SEMA6D: variants seen among roughly 807,000 people sequenced by gnomAD.
SEMA6D encodes semaphorin-6D.
Under a neutral mutation model 106.6 loss-of-function variants are expected in SEMA6D, and 35 were observed. That is an observed-to-expected ratio of 0.33 (90% CI 0.25 to 0.44). SEMA6D has a LOEUF of 0.44. Ranked by LOEUF, SEMA6D falls within the 20% of genes least tolerant of loss-of-function variation. SEMA6D has a pLI of 1.00. For missense variants in SEMA6D, 1,185 were observed against 1,345.9 expected, an observed-to-expected ratio of 0.88 and a Z score of 1.87; for synonymous variants, 499 against 487.7, an observed-to-expected ratio of 1.02 and a Z score of -0.31.
In SEMA6D at chr15:47,760,901, C is replaced by T; in HGVS notation, c.222-77C>T. 6 of 1,280,732 alleles carry T rather than the reference C, an allele frequency of 4.7e-6. No homozygotes were observed. In the South Asian group the frequency reaches 8.2e-5, roughly 17 times the overall value. 79.3% of individuals were successfully genotyped at this position (1,280,732 alleles called of 1,614,324 possible). ...TCTCTAAAACACAATAAAGGCAGAT[C>T]TGTAAAAATAAAAAAGGAAGCAGCT... On this transcript the variant is annotated intron_variant, in intron 3 of 18. Transcript: ENST00000536845.
At chr15:47,400,265 G>A (rs1365740539) in intron 1 of SEMA6D, among the ~76,000 whole-genome samples, 4 of 152,134 alleles carry the variant, frequency 2.6e-5, no homozygotes, top group African/African-American at 9.7e-5. Context: ...CAGGGTAGGT[G>A]GATGACCTGA....
At chr15:47,466,534 A>C (rs1490148002) in intron 2 of SEMA6D, among the ~76,000 whole-genome samples, 1 of 152,056 alleles carries the variant, frequency 6.6e-6, no homozygotes, top group Non-Finnish European at 1.5e-5. Context: ...AATATTTATC[A>C]AATTTTCTTT....
In SEMA6D at chr15:47,760,969, TTCCAAC is replaced by T. The variant is rs1229971795; in HGVS notation, c.222-8_222-3del. ...CACGTGATATGTTTTATTGCCTTAT[TTCCAAC>T]AGGGATCAAGTTTATACAGTAAACT... On this transcript the variant is annotated splice_polypyrimidine_tract_variant and splice_region_variant and intron_variant, in intron 3 of 18. Coordinates refer to ENST00000536845, the MANE Select transcript of SEMA6D (RefSeq NM_001358351.3). 1 of 1,610,802 alleles carries T rather than the reference TTCCAAC, an allele frequency of 6.2e-7. No individual in the cohort carries two copies. The highest frequency in any genetic ancestry group is 1.7e-5 in the Admixed American group (1 of 59,720).
chr15:47,569,637 A>G (rs889055114), intron 3 of SEMA6D, among the ~76,000 whole-genome samples: 3 of 152,190 alleles, frequency 2.0e-5, no homozygotes, highest in Admixed American at 6.5e-5. Flanking sequence ...TCACTTACCC[A>G]GGACTGACTA....
chr15:47,312,146 G>GTTTTTT (rs55676647), intron 1 of SEMA6D, among the ~76,000 whole-genome samples: 4 of 142,234 alleles, frequency 2.8e-5, no homozygotes, highest in Non-Finnish European at 3.0e-5. Flanking sequence ...TCTTTCTAGG[G>GTTTTTT]TTTTTTTTTT....
chr15:47,417,399 C>CTG (rs2041003674), intron 2 of SEMA6D, among the ~76,000 whole-genome samples: 1 of 133,986 alleles, frequency 7.5e-6, no homozygotes, highest in African/African-American at 2.8e-5. Context: ...TCTGCTTATA[C>CTG]TGTGTGTGTG....
At chr15:47,586,585 A>C (rs2076344422) in intron 3 of SEMA6D, among the ~76,000 whole-genome samples, 1 of 152,212 alleles carries the variant, frequency 6.6e-6, no homozygotes, top group African/African-American at 2.4e-5. Flanking sequence ...TATATTATCC[A>C]AATGGTCTCA....
intron 1 of SEMA6D, among the ~76,000 whole-genome samples, chr15:47,208,455 C>T (rs185796109): frequency 7.2e-5 from 11 of 152,190 alleles, no homozygotes; most frequent in Admixed American, 4.6e-4. Context: ...ATTTTTGAAT[C>T]GTGTTTCAGA....
At chr15:47,496,350 G>A (rs914972069) in intron 3 of SEMA6D, among the ~76,000 whole-genome samples, 8 of 152,028 alleles carry the variant, frequency 5.3e-5, no homozygotes, top group African/African-American at 1.2e-4. Context: ...TTTACCCTTG[G>A]TGTGTTCATA....
intron 1 of SEMA6D, among the ~76,000 whole-genome samples, chr15:47,282,678 A>G (rs965495636): frequency 9.9e-5 from 15 of 152,182 alleles, no homozygotes; most frequent in African/African-American, 3.6e-4. Context: ...TGTACAGAAC[A>G]GAAGGTGATA....
chr15:47,188,012 G>GA (rs1465054753), intron 1 of SEMA6D, among the ~76,000 whole-genome samples: 1 of 152,174 alleles, frequency 6.6e-6, no homozygotes, highest in Non-Finnish European at 1.5e-5. Flanking sequence ...GGCAAAATAA[G>GA]AGAGTTTCAT....
intron 1 of SEMA6D, chr15:47,184,567 G>C (rs1366215161): frequency 1.3e-5 from 2 of 152,256 alleles, no homozygotes; most frequent in African/African-American, 2.4e-5. Context: ...GGCGCGCCGC[G>C]GCCGGCGCAG....
intron 3 of SEMA6D, among the ~76,000 whole-genome samples, chr15:47,505,007 G>A (rs1265056537): frequency 2.0e-5 from 3 of 152,096 alleles, no homozygotes; most frequent in African/African-American, 7.2e-5. Context: ...AGAGACTCGG[G>A]CCACCCAACA....
At chr15:47,265,045 G>T (rs2034254526) in intron 1 of SEMA6D, among the ~76,000 whole-genome samples, 1 of 151,936 alleles carries the variant, frequency 6.6e-6, no homozygotes, top group African/African-American at 2.4e-5. Context: ...ATATCCACGT[G>T]CATAAGAGAT....
At chr15:47,194,136 T>G (rs1236230012) in intron 1 of SEMA6D, among the ~76,000 whole-genome samples, 1 of 151,768 alleles carries the variant, frequency 6.6e-6, no homozygotes, top group Non-Finnish European at 1.5e-5. Context: ...GGTGGATGGA[T>G]GATAGGTTTG....
intron 4 of SEMA6D, among the ~76,000 whole-genome samples, chr15:47,610,255 C>A (rs117271125): frequency 4.0e-4 from 61 of 152,316 alleles, no homozygotes; most frequent in Non-Finnish European, 7.9e-4. Flanking sequence ...CGTATATAAG[C>A]AAGATTATCC....
intron 2 of SEMA6D, among the ~76,000 whole-genome samples, chr15:47,452,619 TG>T (rs2042227583): frequency 6.6e-6 from 1 of 151,986 alleles, no homozygotes; most frequent in Admixed American, 6.6e-5. Flanking sequence ...GGGATGTTTT[TG>T]GGTTTGTTTT....
At chr15:47,701,208 T>C (rs78427797) in intron 4 of SEMA6D, among the ~76,000 whole-genome samples, 7,174 of 152,290 alleles carry the variant, frequency 0.047, 459 homozygotes, top group South Asian at 0.13. Flanking sequence ...GATAAAGGAC[T>C]GTTGTCCAAA....
At chr15:47,402,716 C>T (rs879451523) in intron 1 of SEMA6D, among the ~76,000 whole-genome samples, 1 of 151,382 alleles carries the variant, frequency 6.6e-6, no homozygotes, top group Non-Finnish European at 1.5e-5. Context: ...CTGTCTTCTC[C>T]CCATCCTAAG....
Sources: allele counts gnomAD v4.1 joint callset (sites outside exome capture counted in the v4.1 genomes callset), GRCh38; gene constraint gnomAD v4.1.1; transcripts MANE v1.5; gene names NCBI Gene and HGNC (gene_info 2026-07-23, HGNC 2026-07-21).